The following MTFR2 variants were observed in gnomAD, a reference collection of about 807,000 sequenced individuals.
MTFR2 encodes mitochondrial fission regulator 2, also known as DUF729 domain-containing protein 1.
A neutral mutation model predicts 41.2 loss-of-function variants in MTFR2; 44 were observed. The observed-to-expected ratio is 1.07, with a 90% CI of 0.84 to 1.37. MTFR2 has a LOEUF of 1.37. Ranked by LOEUF, MTFR2 falls within the 40% of genes most tolerant of loss-of-function variation. The pLI is 0.00. For missense variants in MTFR2, 452 were observed against 459.5 expected, an observed-to-expected ratio of 0.98 and a Z score of 0.15; for synonymous variants, 141 against 154.6, an observed-to-expected ratio of 0.91 and a Z score of 0.65.
At chr6:136,249,217 C>T (rs972638209) in intron 1 of MTFR2, 64 bp from the exon 2 acceptor site, 6 of 670,554 alleles carry the variant, frequency 8.9e-6, no homozygotes, top group Non-Finnish European at 1.4e-5. Flanking sequence ...ACTACATAAC[C>T]TGGAAAAGTC....
chr6:136,233,358 T>G lies in MTFR2; in HGVS notation c.1011A>C (p.Glu337Asp), dbSNP rs995477486. The change falls in exon 7 of 8, where the codon GAA (glutamate) becomes GAC (aspartate). Residue 337 changes from glutamate to aspartate, a missense_variant. By Grantham distance (45) the Glu-to-Asp change is conservative. Transcript: ENST00000420702. ...DSFEKENRSWESSPFSSPETS... is the reference protein window; with the variant it reads ...DSFEKENRSWDSSPFSSPETS... The stretch of plus-strand genomic sequence containing the variant: ...TTTCTGGACTAGAAAATGGGGAAGA[T>G]TCCCAAGATCTATTCTCTTTCTCAA... 1.2e-6 allele frequency: 2 copies of G among 1,613,032 alleles called. No homozygotes were observed. The highest frequency in any genetic ancestry group is 1.7e-6 in the Non-Finnish European group (2 of 1,179,410).
At chr6:136,233,173 A>G in intron 7 of MTFR2, 152 bp downstream of exon 7, 1 of 554,424 alleles carries the variant, frequency 1.8e-6, no homozygotes, top group East Asian at 3.0e-5. Flanking sequence ...AAAATTAACA[A>G]CAAAAAAACC....
At chr6:136,241,059 C>T (rs941002645) in intron 5 of MTFR2, among the ~76,000 whole-genome samples, 2 of 150,892 alleles carry the variant, frequency 1.3e-5, no homozygotes, top group African/African-American at 4.9e-5. Context: ...CCACTGCACT[C>T]CAGCCTGGGC....
intron 5 of MTFR2, among the ~76,000 whole-genome samples, chr6:136,241,086 G>A (rs1237225097): frequency 2.7e-4 from 37 of 138,498 alleles, no homozygotes; most frequent in African/African-American, 6.0e-4. Context: ...GCAAGACTGC[G>A]TCTCAAAAAA....
rs753706702 is a variant in MTFR2, at chr6:136,231,337, C to T, written c.1096G>A (p.Val366Ile). 6 of 1,612,684 alleles carry T rather than the reference C, an allele frequency of 3.7e-6. No individual in the cohort carries two copies. The East Asian group carries it at 1.3e-4, about 36-fold the overall frequency. Residue 366 changes from valine to isoleucine, a missense_variant, in exon 8 of 8, where the codon GTC (valine) becomes ATC (isoleucine). Val to Ile is a conservative substitution (Grantham distance 29). Coordinates refer to ENST00000420702, the MANE Select transcript of MTFR2 (RefSeq NM_001099286.3). The part of the protein sequence containing the change: ...SEGQRTKEEM[V>I]NTKAVDQGIS... Reference sequence around the variant, plus strand: ...CCTTGGTCAACAGCTTTTGTGTTGACCATTTCTTCTTTAGTTCGCTGTCCT... The same window carrying T: ...CCTTGGTCAACAGCTTTTGTGTTGATCATTTCTTCTTTAGTTCGCTGTCCT...
chr6:136,243,117 C>A (rs972787803), intron 3 of MTFR2, 144 bp from the exon 4 acceptor site: 3 of 496,562 alleles, frequency 6.0e-6, no homozygotes, highest in Non-Finnish European at 1.0e-5. Flanking sequence ...CCTGTTAGCA[C>A]GAAAGAACAC....
chr6:136,232,403 T>C (rs1001717004), intron 7 of MTFR2, among the ~76,000 whole-genome samples: 3 of 152,140 alleles, frequency 2.0e-5, no homozygotes, highest in South Asian at 2.1e-4. Context: ...TAATTACAGA[T>C]GCGTGCCACC....
At position 136,242,079 on chromosome 6, in the gene MTFR2, C is replaced by CAAA. The variant is rs548176168; in HGVS notation, c.282-406_282-404dup. Among the ~76,000 whole-genome samples the CAAA allele has an allele frequency of 4.6e-4, 8 of 17,486 alleles. 1 individual carries two copies. The highest frequency in any genetic ancestry group is 1.4e-3 in the Admixed American group (2 of 1,464). 11.5% of individuals were successfully genotyped at this position (17,486 alleles called of 152,430 possible). On this transcript the variant is annotated intron_variant, in intron 4 of 7. Coordinates refer to ENST00000420702, the MANE Select transcript of MTFR2 (RefSeq NM_001099286.3). ...TGGTCGACAGAGTAAGACTCTGTCT[C>CAAA]AAAAAAAAAAAAAAAAAAAAAAAAA... is the stretch of plus-strand genomic sequence containing the variant.
chr6:136,231,669 T>TAAAAAAAAAAAAAAAAA (rs71006791), intron 7 of MTFR2, among the ~76,000 whole-genome samples: 50 of 82,920 alleles, frequency 6.0e-4, no homozygotes, highest in African/African-American at 2.3e-3. Flanking sequence ...AAAAACTATG[T>TAAAAAAAAAAAAAAAAA]AAAAAAAAAA....
intron 5 of MTFR2, among the ~76,000 whole-genome samples, chr6:136,240,904 A>T (rs558482351): frequency 1.3e-4 from 20 of 152,294 alleles, no homozygotes; most frequent in Admixed American, 7.8e-4. Flanking sequence ...ATCCTGGCTA[A>T]CACGGTGAAA....
intron 2 of MTFR2, among the ~76,000 whole-genome samples, chr6:136,247,175 C>T (rs1780232872): frequency 1.3e-5 from 2 of 152,170 alleles, no homozygotes; most frequent in Admixed American, 1.3e-4. Flanking sequence ...CGTGGTAAAA[C>T]CCCATCTCTA....
chr6:136,246,107 A>G (rs1169489697), intron 2 of MTFR2, among the ~76,000 whole-genome samples: 1 of 152,326 alleles, frequency 6.6e-6, no homozygotes, highest in Non-Finnish European at 1.5e-5. Flanking sequence ...CTTTGCTACC[A>G]TGACGGCTAC....
rs1218080680 is a variant in MTFR2 at position 136,239,502 on chromosome 6, T to C, written c.833A>G (p.Lys278Arg). The stretch of plus-strand genomic sequence containing the variant: ...ACGAAGCTTAACCTTATTCATATCC[T>C]TTAGAACGTCCAACATGTTTGGAAT... ...KDIPNMLDVL[K>R]DMNKVKLRAI... Residue 278 changes from lysine (K) to arginine (R), a missense_variant, in exon 6 of 8, where the codon AAG becomes AGG. By Grantham distance (26) the Lys-to-Arg change is conservative. Transcript: ENST00000420702. The C allele has an allele frequency of 3.1e-6, 5 of 1,613,942 alleles. No homozygotes were observed. In the African/African-American group the frequency reaches 6.7e-5, roughly 22 times the overall value.
intron 7 of MTFR2, among the ~76,000 whole-genome samples, chr6:136,231,805 G>A (rs1779766910): frequency 6.6e-6 from 1 of 151,996 alleles, no homozygotes; most frequent in Non-Finnish European, 1.5e-5. Flanking sequence ...CTATCACTGG[G>A]AAACAGTGTG....
chr6:136,240,096 A>G (rs752175142), intron 5 of MTFR2, among the ~76,000 whole-genome samples: 3 of 152,176 alleles, frequency 2.0e-5, no homozygotes, highest in Non-Finnish European at 4.4e-5. Context: ...GAGTTTTTTC[A>G]GTAATTCACA....
In MTFR2 at chr6:136,240,757, T is replaced by C. The variant is rs374367599; in HGVS notation, c.514+687A>G. ...TATATCCTCTTTCAAACCAATGCAT[T>C]CTTCCTCTTTAATATCCAATGCTTT... is the stretch of plus-strand genomic sequence containing the variant. On this transcript the variant is annotated intron_variant, in intron 5 of 7. Transcript: ENST00000420702. 3.9e-5 allele frequency among the ~76,000 whole-genome samples: 6 copies of C among 152,204 alleles called. No individual in the cohort carries two copies. The East Asian group carries it at 1.2e-3, about 29-fold the overall frequency.
At chr6:136,249,320 G>C (rs1780300328) in intron 1 of MTFR2, among the ~76,000 whole-genome samples, 167 bp from the exon 2 acceptor site, 1 of 152,332 alleles carries the variant, frequency 6.6e-6, no homozygotes, top group African/African-American at 2.4e-5. Flanking sequence ...GGGGGAAAGA[G>C]AGGGTTGTAA....
At chr6:136,240,638 T>G (rs1368332406) in intron 5 of MTFR2, among the ~76,000 whole-genome samples, 5 of 152,210 alleles carry the variant, frequency 3.3e-5, no homozygotes, top group Non-Finnish European at 7.3e-5. Flanking sequence ...TCTATAAATT[T>G]ATAAAACAAT....
In MTFR2 at chr6:136,239,617, C is replaced by A. The variant is rs1779994795; in HGVS notation, c.718G>T (p.Asp240Tyr). The change falls in exon 6 of 8, where the codon GAT becomes TAT. Residue 240 changes from aspartate (D) to tyrosine (Y), a missense_variant. Transcript: ENST00000420702. Reference protein sequence around the residue: ...QPGSNNICDSDNPATEMSKQN... With the variant: ...QPGSNNICDSYNPATEMSKQN... ...TTGCTCATTTCAGTTGCTGGATTAT[C>A]TGAGTCACAAATATTATTAGATCCT... The A allele has an allele frequency of 6.2e-7, 1 of 1,613,922 alleles. No homozygotes were observed. Among genetic ancestry groups the A allele is most frequent in the Non-Finnish European group, 8.5e-7 (1 of 1,180,034 alleles).
Sources: gnomAD v4.1 joint callset for allele counts (sites outside exome capture counted in the v4.1 genomes callset) on GRCh38, gnomAD v4.1.1 for gene constraint, MANE v1.5 for transcripts, NCBI Gene and HGNC (gene_info 2026-07-23, HGNC 2026-07-21) for gene names.